The following TMC5 variants were observed in gnomAD, a reference collection of about 807,000 sequenced individuals.
The protein encoded by TMC5 is transmembrane channel-like protein 5.
TMC5 carries 86 observed loss-of-function variants against 110.5 expected under a neutral mutation model. The ratio of observed to expected loss-of-function variants is 0.78; its 90% CI spans 0.65 to 0.93. The LOEUF (loss-of-function observed/expected upper bound fraction) is 0.93. Ranked by LOEUF, TMC5 falls within the 40% of genes least tolerant of loss-of-function variation. The pLI is 0.00. For synonymous variants in TMC5, 455 were observed against 439.5 expected (o/e 1.04, Z -0.44); for missense variants, 1,144 against 1,222.8 (o/e 0.94, Z 0.96).
intron 9 of TMC5, among the ~76,000 whole-genome samples, chr16:19,468,016 C>G (rs1968232310): frequency 6.6e-6 from 1 of 151,788 alleles, no homozygotes; most frequent in Non-Finnish European, 1.5e-5. Context: ...GCTCTGTCAC[C>G]CAGGCTGGAG....
chr16:19,489,008 T>C (rs967336321), intron 17 of TMC5, among the ~76,000 whole-genome samples: 18 of 147,306 alleles, frequency 1.2e-4, no homozygotes, highest in African/African-American at 4.9e-4. Context: ...ACACCCTTGC[T>C]CCTCTTGGCA....
At position 19,457,709 on chromosome 16, in the gene TMC5, C is replaced by CTTTTTTTTTTTTTT. The variant is rs573979829; in HGVS notation, c.1049-2505_1049-2492dup. On this transcript the variant is annotated intron_variant, in intron 5 of 21. Coordinates refer to ENST00000542583, the MANE Select transcript of TMC5 (RefSeq NM_001261841.2). ...TCTATCTGATTCCCAAGACTACATT[C>CTTTTTTTTTTTTTT]TTTTTTTTTTTTTTTTTTTTTTTTT... 1.7e-3 allele frequency among the ~76,000 whole-genome samples: 74 copies of CTTTTTTTTTTTTTT among 43,922 alleles called. 20 individuals carry two copies. The highest frequency in any genetic ancestry group is 6.6e-3 in the South Asian group (4 of 610). 28.8% of individuals were successfully genotyped at this position (43,922 alleles called of 152,430 possible). A position where few individuals can be genotyped will look rare whatever the true frequency, so the allele number is the denominator to read the frequency against.
intron 1 of TMC5, among the ~76,000 whole-genome samples, chr16:19,420,479 G>A (rs996557074): frequency 6.6e-6 from 1 of 151,270 alleles, no homozygotes; most frequent in Non-Finnish European, 1.5e-5. Flanking sequence ...ATTTTCTGTA[G>A]AGACAGAGTT....
rs544410839 is a variant in TMC5, at chr16:19,419,811, A to G, written c.-308+1719A>G. On this transcript the variant is annotated intron_variant, in intron 1 of 21. Coordinates refer to ENST00000542583, the MANE Select transcript of TMC5 (RefSeq NM_001261841.2). Reference sequence around the variant, plus strand: ...CAAGCTATAGAGTATCTTCATAAACACTTAATGAATAACGCAATGAATCAT... The same window carrying G: ...CAAGCTATAGAGTATCTTCATAAACGCTTAATGAATAACGCAATGAATCAT... Among the ~76,000 whole-genome samples the G allele has an allele frequency of 7.4e-4, 112 of 152,354 alleles. 1 individual carries two copies. In the Middle Eastern group the frequency reaches 0.031, roughly 42 times the overall value.
At chr16:19,465,986 C>G in intron 8 of TMC5, 96 bp from the exon 9 acceptor site, 1 of 1,347,408 alleles carries the variant, frequency 7.4e-7, no homozygotes, top group Non-Finnish European at 1.0e-6. Context: ...CTGGCCCAGG[C>G]TTCTTGTATT....
intron 1 of TMC5, among the ~76,000 whole-genome samples, chr16:19,423,178 G>A (rs574666257): frequency 6.6e-5 from 10 of 152,106 alleles, no homozygotes; most frequent in South Asian, 6.2e-4. Context: ...CCTTCATAGC[G>A]ATAAATCAAG....
chr16:19,449,003 C>T (rs576982722), intron 4 of TMC5, among the ~76,000 whole-genome samples: 1 of 150,476 alleles, frequency 6.6e-6, no homozygotes, highest in Non-Finnish European at 1.5e-5. Context: ...GGACTACAGG[C>T]GCCCGCCACT....
chr16:19,456,376 TCTTC>T (rs1486422116), intron 5 of TMC5: 1 of 850,748 alleles, frequency 1.2e-6, no homozygotes, highest in Admixed American at 5.1e-5. Context: ...TAGAAAAATA[TCTTC>T]CTTCTGTTTC....
chr16:19,449,849 G>A (rs1387007025), intron 5 of TMC5, among the ~76,000 whole-genome samples: 1 of 132,286 alleles, frequency 7.6e-6, no homozygotes, highest in African/African-American at 3.6e-5. Context: ...CATGTAAGAT[G>A]TGCCCTTCTT....
chr16:19,487,378 G>T, intron 17 of TMC5, 52 bp downstream of exon 17: 1 of 1,577,038 alleles, frequency 6.3e-7, no homozygotes, highest in Non-Finnish European at 8.6e-7. Context: ...GGATGGGTGT[G>T]TGTTTTAAAA....
chr16:19,425,703 T>C (rs1967075737), intron 1 of TMC5, among the ~76,000 whole-genome samples: 1 of 152,210 alleles, frequency 6.6e-6, no homozygotes, highest in Middle Eastern at 3.2e-3. Flanking sequence ...TTTTTATTTA[T>C]TGAGATAGAG....
At chr16:19,489,535 C>A (rs998950092) in intron 17 of TMC5, among the ~76,000 whole-genome samples, 1 of 151,912 alleles carries the variant, frequency 6.6e-6, no homozygotes, top group African/African-American at 2.4e-5. Context: ...AGGGTTTCAC[C>A]GTGTTAGCCA....
intron 12 of TMC5, among the ~76,000 whole-genome samples, chr16:19,475,807 T>C (rs539650667): frequency 1.2e-3 from 181 of 149,062 alleles, no homozygotes; most frequent in Middle Eastern, 6.8e-3. Flanking sequence ...TCTTTCTTTT[T>C]TTTTTTTTTT....
chr16:19,435,989 C>T (rs1235973772), intron 2 of TMC5, among the ~76,000 whole-genome samples: 2 of 152,086 alleles, frequency 1.3e-5, no homozygotes, highest in African/African-American at 4.8e-5. Flanking sequence ...TGGCCAGGCA[C>T]GGTGGCTCAC....
intron 1 of TMC5, among the ~76,000 whole-genome samples, chr16:19,412,129 T>C (rs539725845): frequency 8.0e-4 from 121 of 151,924 alleles, no homozygotes; most frequent in African/African-American, 2.7e-3. Flanking sequence ...TGGAGTGCAG[T>C]GTTGTGATTG....
Position 19,440,112 on chromosome 16 carries a change from G to A in TMC5, c.74G>A (p.Arg25His), listed in dbSNP as rs567263952. Residue 25 changes from arginine (R) to histidine (H), a missense_variant, in exon 3 of 22, where the codon CGT (arginine) becomes CAT (histidine). Transcript: ENST00000542583. The part of the protein sequence containing the change: ...DYPDYSGSQN[R>H]TQGYLKTQGY... ...CCTGACTATTCAGGGTCTCAGAACC[G>A]TACGCAGGGGTATTTGAAAACTCAA... The A allele has an allele frequency of 1.5e-5, 25 of 1,614,090 alleles. No homozygotes were observed. The highest frequency in any genetic ancestry group is 1.3e-4 in the South Asian group (12 of 91,082).
rs1968614690 is a variant in TMC5, at chr16:19,481,378, G to C, written c.2276G>C (p.Gly759Ala). ...FLGEFLRRIIGMQLITSLGLQ... is the reference protein window; with the variant it reads ...FLGEFLRRIIAMQLITSLGLQ... ...TCAGTATGTTTTCACAGAATCATTGGGATGCAACTGATCACAAGTCTTGGC... is the reference window on the plus strand; with the variant it reads ...TCAGTATGTTTTCACAGAATCATTGCGATGCAACTGATCACAAGTCTTGGC... Residue 759 changes from glycine (G) to alanine (A), a missense_variant, in exon 15 of 22, where the codon GGG (glycine) becomes GCG (alanine). Physicochemically the swap from Gly to Ala is moderately conservative, Grantham distance 60. Transcript: ENST00000542583. 1.2e-6 allele frequency: 2 copies of C among 1,612,518 alleles called. No individual in the cohort carries two copies. The highest frequency in any genetic ancestry group is 2.7e-5 in the African/African-American group (2 of 74,994).
Position 19,440,704 on chromosome 16 carries a change from G to A in TMC5, c.666G>A (p.Glu222=). Residue 222 remains glutamate, a synonymous_variant, in exon 3 of 22, where the codon GAG becomes GAA. Coordinates refer to ENST00000542583, the MANE Select transcript of TMC5 (RefSeq NM_001261841.2). ...CTAACTCTCCACCCTTTTTTGGGGA[G>A]CCAGACTATCCCAGTGCTGAGGACA... ...IQPNSPPFFG[E]PDYPSAEDNQ... is the part of the protein sequence containing the mutation. 3.1e-6 allele frequency: 5 copies of A among 1,614,102 alleles called. No individual in the cohort carries two copies. The highest frequency in any genetic ancestry group is 4.2e-6 in the Non-Finnish European group (5 of 1,180,022).
chr16:19,497,056 T>A, intron 20 of TMC5, 65 bp from the exon 21 acceptor site: 20 of 1,567,844 alleles, frequency 1.3e-5, no homozygotes, highest in Non-Finnish European at 1.7e-5. Context: ...GTGCCAAATA[T>A]GTGACAAGAC....
Sources: allele counts gnomAD v4.1 joint callset (sites outside exome capture counted in the v4.1 genomes callset), GRCh38; gene constraint gnomAD v4.1.1; transcripts MANE v1.5; gene names NCBI Gene and HGNC (gene_info 2026-07-23, HGNC 2026-07-21).